FAAH2: variants seen among roughly 807,000 people sequenced by gnomAD.
FAAH2 encodes fatty-acid amide hydrolase 2.
In FAAH2, 60 loss-of-function variants were observed where a neutral mutation model predicts 36.9. That is an observed-to-expected ratio of 1.63 (90% CI 1.32 to 2.02). The LOEUF is 2.02. Ranked by LOEUF, FAAH2 falls within the 30% of genes most tolerant of loss-of-function variation. The pLI is 0.00. For synonymous variants in FAAH2, 214 were observed against 143.8 expected (o/e 1.49, Z -3.49); for missense variants, 689 against 397.5 (o/e 1.73, Z -6.23).
intron 3 of FAAH2, among the ~76,000 whole-genome samples, chrX:57,323,048 T>G (rs1352679011): frequency 9.0e-6 from 1 of 110,859 alleles, no homozygotes. Flanking sequence ...GTGTTCTCAT[T>G]GTTCAATTCC....
chrX:57,160,988 T>G, the FAAH2 span, among the ~76,000 whole-genome samples: 1 of 112,298 alleles, frequency 8.9e-6, no homozygotes, highest in African/African-American at 3.2e-5. Context: ...CTTTCTGTTG[T>G]GGGCATTTAG....
At chrX:57,319,914 A>G (rs2052966021) in intron 3 of FAAH2, among the ~76,000 whole-genome samples, 1 of 112,058 alleles carries the variant, frequency 8.9e-6, no homozygotes, top group Admixed American at 9.5e-5. Context: ...AAAACAAGCA[A>G]TGGGGAAAGG....
the FAAH2 span, among the ~76,000 whole-genome samples, chrX:57,262,006 T>TTGG: frequency 0.45 from 49,411 of 109,819 alleles, 11,374 homozygotes; most frequent in African/African-American, 0.89. Flanking sequence ...TTTACGTGAC[T>TTGG]TGGTGTCATC....
intron 10 of FAAH2, among the ~76,000 whole-genome samples, chrX:57,466,234 T>G (rs1229630947): frequency 9.7e-6 from 1 of 102,629 alleles, no homozygotes; most frequent in East Asian, 3.1e-4. Context: ...GATTAGAGAA[T>G]GCAGCTATTT....
At chrX:57,140,125 G>A in the FAAH2 span, among the ~76,000 whole-genome samples, 2 of 111,007 alleles carry the variant, frequency 1.8e-5, no homozygotes, top group Non-Finnish European at 3.8e-5. Flanking sequence ...ATTGTAAAAG[G>A]GATTGCTTTC....
chrX:57,293,178 G>A (rs2052035489), intron 2 of FAAH2, among the ~76,000 whole-genome samples: 1 of 110,177 alleles, frequency 9.1e-6, no homozygotes, highest in Admixed American at 9.7e-5. Flanking sequence ...CCATCTTTAG[G>A]ATTTTTGTCT....
the FAAH2 span, among the ~76,000 whole-genome samples, chrX:57,180,755 A>C: frequency 9.0e-6 from 1 of 111,603 alleles, no homozygotes; most frequent in Non-Finnish European, 1.9e-5. Flanking sequence ...AATATTAATA[A>C]GGAAGGTCTC....
chrX:57,246,598 A>G, the FAAH2 span, among the ~76,000 whole-genome samples: 1 of 112,134 alleles, frequency 8.9e-6, no homozygotes, highest in Non-Finnish European at 1.9e-5. Context: ...AATCCATCAC[A>G]TAAACTGAAT....
chrX:57,160,256 A>G, the FAAH2 span, among the ~76,000 whole-genome samples: 1 of 111,112 alleles, frequency 9.0e-6, no homozygotes, highest in Non-Finnish European at 1.9e-5. Flanking sequence ...TTTATTGAGG[A>G]TTTTTGCATC....
In FAAH2 at chrX:57,341,265, T is replaced by C; in HGVS notation, c.623-6T>C. 8.3e-7 allele frequency: 1 copy of C among 1,199,740 alleles called. No individual in the cohort carries two copies. Among genetic ancestry groups the C allele is most frequent in the African/African-American group, 1.7e-5 (1 of 57,202 alleles). On this transcript the variant is annotated splice_region_variant and splice_polypyrimidine_tract_variant and intron_variant, in intron 4 of 10. Transcript: ENST00000374900. ...TTTATTTGCAAGTATTTTGTGTTTC[T>C]TGTAGGTGGTGAGGGCTGCACACTG...
At chrX:57,282,776 G>C (rs962917360), upstream of FAAH2, among the ~76,000 whole-genome samples, 1 of 111,642 alleles carries the variant, frequency 9.0e-6, no homozygotes, top group Non-Finnish European at 1.9e-5. Flanking sequence ...TAGCCATGTG[G>C]CTCGCCTGTA....
chrX:57,217,417 C>T, the FAAH2 span, among the ~76,000 whole-genome samples: 4 of 111,405 alleles, frequency 3.6e-5, no homozygotes, highest in Admixed American at 2.8e-4. Flanking sequence ...AGTTTTAGGT[C>T]TTAGGTTTAA....
intron 5 of FAAH2, among the ~76,000 whole-genome samples, chrX:57,374,220 A>G (rs1009390505): frequency 1.1e-4 from 12 of 111,245 alleles, no homozygotes; most frequent in Non-Finnish European, 2.3e-4. Flanking sequence ...TCCCATATGA[A>G]TTTTGGGAAT....
chrX:57,341,575 G>T (rs1386638890), intron 5 of FAAH2, among the ~76,000 whole-genome samples, 185 bp downstream of exon 5: 1 of 109,761 alleles, frequency 9.1e-6, no homozygotes, highest in Non-Finnish European at 1.9e-5. Context: ...ATTGTGCAAG[G>T]CTTTCCTATA....
At chrX:57,345,520 T>C (rs1002001665) in intron 5 of FAAH2, among the ~76,000 whole-genome samples, 3 of 111,218 alleles carry the variant, frequency 2.7e-5, no homozygotes, top group African/African-American at 9.8e-5. Context: ...ATTTGGACTT[T>C]TTTTTTCTTT....
the FAAH2 span, among the ~76,000 whole-genome samples, chrX:57,274,690 T>C: frequency 2.7e-5 from 3 of 111,303 alleles, no homozygotes; most frequent in Admixed American, 9.6e-5. Context: ...AAAAGGCCTT[T>C]GATAAAAATC....
the FAAH2 span, among the ~76,000 whole-genome samples, chrX:57,269,884 G>A: frequency 9.0e-6 from 1 of 110,844 alleles, no homozygotes; most frequent in Non-Finnish European, 1.9e-5. Flanking sequence ...GAGCTGAACT[G>A]AAGAAGAGAT....
At chrX:57,145,923 G>T in the FAAH2 span, among the ~76,000 whole-genome samples, 2 of 111,170 alleles carry the variant, frequency 1.8e-5, no homozygotes, top group Non-Finnish European at 3.8e-5. Context: ...CTATGTGCCT[G>T]TTTTTATACC....
chrX:57,463,477 C>G (rs192855456), intron 10 of FAAH2, among the ~76,000 whole-genome samples: 1 of 111,134 alleles, frequency 9.0e-6, no homozygotes, highest in Non-Finnish European at 1.9e-5. Flanking sequence ...ACCAATAGAA[C>G]AGAACAGAGG....
Sources: allele counts gnomAD v4.1 joint callset (sites outside exome capture counted in the v4.1 genomes callset), GRCh38; gene constraint gnomAD v4.1.1; transcripts MANE v1.5; gene names NCBI Gene and HGNC (gene_info 2026-07-23, HGNC 2026-07-21).